The following TRAPPC9 variants were observed in gnomAD, a reference collection of about 807,000 sequenced individuals.
TRAPPC9 encodes IKK2 binding protein.
A neutral mutation model predicts 124.0 loss-of-function variants in TRAPPC9; 83 were observed. That is an observed-to-expected ratio of 0.67 (90% CI 0.56 to 0.80). The LOEUF (loss-of-function observed/expected upper bound fraction) is 0.80. Ranked by LOEUF, TRAPPC9 falls within the 30% of genes least tolerant of loss-of-function variation. TRAPPC9 has a pLI of 0.00. For synonymous variants in TRAPPC9, 638 were observed against 617.5 expected (o/e 1.03, Z -0.49); for missense variants, 1,302 against 1,508.3 (o/e 0.86, Z 2.27).
intron 21 of TRAPPC9, among the ~76,000 whole-genome samples, chr8:139,830,310 GCA>G (rs1194354588): frequency 2.9e-5 from 4 of 138,872 alleles, no homozygotes; most frequent in Non-Finnish European, 4.5e-5. Context: ...CACTACACAT[GCA>G]CACACATGCA....
intron 9 of TRAPPC9, among the ~76,000 whole-genome samples, chr8:140,348,719 A>T (rs1414301905): frequency 6.6e-6 from 1 of 152,212 alleles, no homozygotes; most frequent in Non-Finnish European, 1.5e-5. Context: ...GGTGATAAAA[A>T]TGTTCTAAAA....
intron 19 of TRAPPC9, among the ~76,000 whole-genome samples, chr8:139,951,322 T>A (rs1834633484): frequency 6.6e-6 from 1 of 152,180 alleles, no homozygotes; most frequent in Admixed American, 6.5e-5. Flanking sequence ...TTTTTTTCTG[T>A]CGCCTTCCTA....
intron 5 of TRAPPC9, among the ~76,000 whole-genome samples, chr8:140,419,440 AAAAAAAAAAAAAC>A (rs1266957713): frequency 6.8e-6 from 1 of 147,358 alleles, no homozygotes; most frequent in Non-Finnish European, 1.5e-5. Flanking sequence ...AAAAAAAAAA[AAAAAAAAAAAAAC>A]AAAACAAAAC....
chr8:140,250,326 T>C (rs2064101571), intron 16 of TRAPPC9, among the ~76,000 whole-genome samples: 2 of 152,194 alleles, frequency 1.3e-5, no homozygotes. Context: ...GAATCCAGGA[T>C]CCCGGTTTGT....
intron 10 of TRAPPC9, among the ~76,000 whole-genome samples, chr8:140,308,030 T>C (rs2066185113): frequency 6.6e-6 from 1 of 152,176 alleles, no homozygotes; most frequent in Non-Finnish European, 1.5e-5. Flanking sequence ...TGGGTGGCTC[T>C]GGAAAAGGCT....
intron 15 of TRAPPC9, among the ~76,000 whole-genome samples, chr8:140,264,446 G>C (rs914931530): frequency 6.6e-6 from 1 of 152,102 alleles, no homozygotes; most frequent in Admixed American, 6.5e-5. Flanking sequence ...GTTTGGATTT[G>C]CTATGGTTTT....
At chr8:140,401,701 G>A (rs1433379933) in intron 6 of TRAPPC9, among the ~76,000 whole-genome samples, 2 of 151,960 alleles carry the variant, frequency 1.3e-5, no homozygotes, top group African/African-American at 4.8e-5. Flanking sequence ...ACAGCTCATC[G>A]TAGCCTCAAT....
intron 21 of TRAPPC9, among the ~76,000 whole-genome samples, chr8:139,839,835 C>T (rs556814208): frequency 2.6e-5 from 4 of 152,234 alleles, no homozygotes; most frequent in African/African-American, 7.2e-5. Context: ...AAGTGCCAGC[C>T]GGTGCCAGGC....
intron 17 of TRAPPC9, among the ~76,000 whole-genome samples, chr8:140,152,383 T>C (rs1228892202): frequency 8.0e-6 from 1 of 125,674 alleles, no homozygotes; most frequent in African/African-American, 3.2e-5. Context: ...TTTTTTGAGA[T>C]GGAGTCCTGC....
intron 17 of TRAPPC9, among the ~76,000 whole-genome samples, chr8:140,114,377 A>G (rs956048382): frequency 1.3e-5 from 2 of 151,954 alleles, no homozygotes; most frequent in African/African-American, 4.8e-5. Context: ...TATTCCTAAC[A>G]GCAACTGCTG....
chr8:139,943,986 C>T (rs1049657208), intron 19 of TRAPPC9, among the ~76,000 whole-genome samples: 5 of 152,114 alleles, frequency 3.3e-5, no homozygotes, highest in African/African-American at 1.2e-4. Flanking sequence ...GGCCGAAAAA[C>T]ACATGTGTTC....
chr8:140,016,766 T>G (rs1221831223), intron 18 of TRAPPC9, among the ~76,000 whole-genome samples: 1 of 152,172 alleles, frequency 6.6e-6, no homozygotes, highest in East Asian at 1.9e-4. Flanking sequence ...GCAGGAGTCT[T>G]TTTGTGGATG....
intron 4 of TRAPPC9, among the ~76,000 whole-genome samples, chr8:140,429,769 G>A (rs2070566557): frequency 6.6e-6 from 1 of 152,014 alleles, no homozygotes; most frequent in Non-Finnish European, 1.5e-5. Flanking sequence ...TTGTGCCATT[G>A]CACTCCAGCC....
rs953712015 is a variant in TRAPPC9 at position 140,063,914 on chromosome 8, C to T, written c.2557-39835G>A. ...GGCCCTGCCTCCCGAAACATGCTGG[C>T]CCCTGCTCTGCCTCTCTGTTGACAC... On this transcript the variant is annotated intron_variant, in intron 17 of 22. Coordinates refer to ENST00000438773, the MANE Select transcript of TRAPPC9 (RefSeq NM_001160372.4). This position sits in a 1 kb window ranked among gnomAD's most constrained non-coding sequence, Gnocchi z 4.3. Among the ~76,000 whole-genome samples the T allele has an allele frequency of 6.6e-6, 1 of 152,182 alleles. No homozygotes were observed. Among genetic ancestry groups the T allele is most frequent in the East Asian group, 1.9e-4 (1 of 5,168 alleles).
intron 17 of TRAPPC9, among the ~76,000 whole-genome samples, chr8:140,107,160 G>T (rs75444784): frequency 0.054 from 8,186 of 152,182 alleles, 234 homozygotes; most frequent in African/African-American, 0.068. Flanking sequence ...ACCACCACCA[G>T]GAGCATATCC....
chr8:140,118,392 G>C (rs890575451), intron 17 of TRAPPC9, among the ~76,000 whole-genome samples: 5 of 152,250 alleles, frequency 3.3e-5, no homozygotes, highest in African/African-American at 1.2e-4. Flanking sequence ...TGGCCTTCAA[G>C]AGGCTCCAGA....
intron 17 of TRAPPC9, among the ~76,000 whole-genome samples, chr8:140,090,557 CA>C (rs1360560650): frequency 2.6e-5 from 4 of 152,342 alleles, no homozygotes; most frequent in Middle Eastern, 3.4e-3. Flanking sequence ...CCCGGGAGAC[CA>C]GGGGGTTGGA....
chr8:139,880,550 TGA>T, intron 21 of TRAPPC9, among the ~76,000 whole-genome samples: 1 of 152,126 alleles, frequency 6.6e-6, no homozygotes, highest in Non-Finnish European at 1.5e-5. Context: ...AGGGGAAGGC[TGA>T]GTGTCCTGTG....
Position 139,951,663 on chromosome 8 carries a change from G to A in TRAPPC9, c.2810+37063C>T, listed in dbSNP as rs556175501. ...GCAGAGTTAGAGGCTGGGAGGCAGA[G>A]GTAGGCCTCTGTTCTTCTCATTATG... On this transcript the variant is annotated intron_variant, in intron 19 of 22. Transcript: ENST00000438773. 2.6e-5 allele frequency among the ~76,000 whole-genome samples: 4 copies of A among 152,336 alleles called. No homozygotes were observed. In the East Asian group the frequency reaches 7.7e-4, roughly 29 times the overall value.
Sources: allele counts gnomAD v4.1 joint callset (sites outside exome capture counted in the v4.1 genomes callset), GRCh38; gene constraint gnomAD v4.1.1; non-coding constraint Gnocchi (gnomAD v3.1); transcripts MANE v1.5; gene names NCBI Gene and HGNC (gene_info 2026-07-23, HGNC 2026-07-21).